AVEN: variants seen among roughly 807,000 people sequenced by gnomAD.
AVEN encodes the protein apoptosis and caspase activation inhibitor, also known as cell death regulator Aven.
Under a neutral mutation model 38.1 loss-of-function variants are expected in AVEN, and 41 were observed. That is an observed-to-expected ratio of 1.08 (90% CI 0.84 to 1.40). The LOEUF is 1.40. Among genes scored for constraint, AVEN ranks in the 40% most tolerant of loss-of-function variants. AVEN has a pLI of 0.00. For missense variants in AVEN, 605 were observed against 438.8 expected (o/e 1.38, Z -3.38); for synonymous variants, 206 against 171.8 (o/e 1.20, Z -1.56).
chr15:33,958,010 G>A (rs190485682), intron 2 of AVEN, among the ~76,000 whole-genome samples: 4 of 152,234 alleles, frequency 2.6e-5, no homozygotes, highest in African/African-American at 7.2e-5. Context: ...AGCAACTTAC[G>A]GTCCGTCAAG....
At chr15:34,010,436 T>C (rs1410243107) in intron 1 of AVEN, among the ~76,000 whole-genome samples, 1 of 152,172 alleles carries the variant, frequency 6.6e-6, no homozygotes, top group African/African-American at 2.4e-5. Flanking sequence ...ACTAATAACA[T>C]ATAACAACCA....
chr15:33,914,698 G>A (rs1437771649), intron 2 of AVEN, among the ~76,000 whole-genome samples: 4 of 151,548 alleles, frequency 2.6e-5, no homozygotes, highest in Non-Finnish European at 5.9e-5. Flanking sequence ...CATGGAGCAG[G>A]AGAAGGCAAG....
At chr15:34,033,672 T>C (rs1898970101) in intron 1 of AVEN, among the ~76,000 whole-genome samples, 1 of 152,188 alleles carries the variant, frequency 6.6e-6, no homozygotes, top group Non-Finnish European at 1.5e-5. Flanking sequence ...TAAAAAACTT[T>C]CAAGTATGAA....
chr15:33,873,256 C>T lies in AVEN; in HGVS notation c.517-2226G>A, dbSNP rs926977109. Among the ~76,000 whole-genome samples the T allele has an allele frequency of 2.1e-4, 31 of 150,930 alleles. No homozygotes were observed. In the East Asian group the frequency reaches 3.7e-3, roughly 18 times the overall value. On this transcript the variant is annotated intron_variant, in intron 3 of 5. Coordinates refer to ENST00000306730, the MANE Select transcript of AVEN (RefSeq NM_020371.3). ...CTGGGATTACAGACGTGCCCCACCA[C>T]GCCCAGCTAATTTTTGTATTTTCAG... is the stretch of plus-strand genomic sequence containing the variant.
chr15:34,015,210 G>A (rs909493119), intron 1 of AVEN, among the ~76,000 whole-genome samples: 7 of 152,128 alleles, frequency 4.6e-5, no homozygotes, highest in African/African-American at 1.7e-4. Flanking sequence ...TAGGCCGGGC[G>A]CAGTGGCTCA....
At chr15:34,011,744 T>C (rs991402917) in intron 1 of AVEN, among the ~76,000 whole-genome samples, 3 of 152,190 alleles carry the variant, frequency 2.0e-5, no homozygotes, top group Non-Finnish European at 4.4e-5. Flanking sequence ...CTTATATCTT[T>C]CTCATGTGTG....
intron 11 of AVEN, chr15:33,859,482 C>G: frequency 2.1e-6 from 3 of 1,459,666 alleles, no homozygotes; most frequent in Non-Finnish European, 2.8e-6. Context: ...TTAGGGCTGC[C>G]ACAATCTGAC....
rs767076170 is a variant in AVEN at position 34,003,026 on chromosome 15, T to G, written c.445+6A>C. ...TAAACAGTATGCATGCAACTGGAAT[T>G]CATACCTGCAGAGCTAAGGAGGACA... is the stretch of plus-strand genomic sequence containing the variant. On this transcript the variant is annotated splice_donor_region_variant and intron_variant, in intron 2 of 5. Coordinates refer to ENST00000306730, the MANE Select transcript of AVEN (RefSeq NM_020371.3). 1 of 1,607,556 alleles carries G rather than the reference T, an allele frequency of 6.2e-7. No individual in the cohort carries two copies. The highest frequency in any genetic ancestry group is 8.5e-7 in the Non-Finnish European group (1 of 1,177,396).
intron 2 of AVEN, among the ~76,000 whole-genome samples, chr15:33,924,431 G>A (rs1367851973): frequency 1.3e-5 from 2 of 152,056 alleles, no homozygotes; most frequent in African/African-American, 4.8e-5. Flanking sequence ...CCAGGTTCAG[G>A]TGATGTTTCC....
chr15:34,066,250 A>T (rs1346910699), intron 3 of AVEN: 1 of 152,248 alleles, frequency 6.6e-6, no homozygotes, highest in African/African-American at 2.4e-5. Flanking sequence ...GTGTGACTTC[A>T]TGAGCAAACC....
downstream of AVEN, among the ~76,000 whole-genome samples, chr15:33,857,166 C>T (rs909334556): frequency 9.2e-5 from 14 of 152,180 alleles, no homozygotes; most frequent in Non-Finnish European, 1.8e-4. Context: ...CGAAGTACTA[C>T]AGACTGCTAT....
chr15:34,033,590 C>T (rs949410345), intron 1 of AVEN, among the ~76,000 whole-genome samples: 1 of 151,844 alleles, frequency 6.6e-6, no homozygotes, highest in South Asian at 2.1e-4. Context: ...AAAAGTAGCA[C>T]CCAAGCCTGT....
chr15:33,876,189 G>C (rs1241897450), intron 2 of AVEN, among the ~76,000 whole-genome samples, 194 bp from the exon 3 acceptor site: 5 of 150,182 alleles, frequency 3.3e-5, no homozygotes, highest in Non-Finnish European at 5.9e-5. Flanking sequence ...GTTAACATTT[G>C]ATAAGATTAA....
At chr15:34,055,251 C>A (rs1484366067) in intron 5 of AVEN, among the ~76,000 whole-genome samples, 3 of 150,924 alleles carry the variant, frequency 2.0e-5, no homozygotes, top group Admixed American at 6.6e-5. Context: ...GTAATCCCAG[C>A]ATTTGGGAGG....
At chr15:33,953,606 A>T (rs1894833697) in intron 2 of AVEN, among the ~76,000 whole-genome samples, 1 of 152,226 alleles carries the variant, frequency 6.6e-6, no homozygotes, top group African/African-American at 2.4e-5. Flanking sequence ...CTGAAACTGG[A>T]TCCCTTCCTT....
downstream of AVEN, chr15:33,865,593 C>T (rs1285237858): frequency 5.3e-6 from 1 of 189,164 alleles, no homozygotes; most frequent in Non-Finnish European, 1.1e-5. Context: ...AATTTAAACA[C>T]TTGAATGTCA....
intron 2 of AVEN, among the ~76,000 whole-genome samples, chr15:33,999,044 T>C (rs1457420084): frequency 6.6e-6 from 1 of 152,238 alleles, no homozygotes; most frequent in Non-Finnish European, 1.5e-5. Flanking sequence ...GTCTCTTCCA[T>C]GTGCCAATGC....
Position 34,025,850 on chromosome 15 carries a change from T to A in AVEN, c.267+12930A>T, listed in dbSNP as rs185616918. ...GGACCTGTCCAAACTCAAGTGATCA[T>A]CTTGCCCCACAAAGCCCGTGTTTAC... On this transcript the variant is annotated intron_variant, in intron 1 of 5. Coordinates refer to ENST00000306730, the MANE Select transcript of AVEN (RefSeq NM_020371.3). Among the ~76,000 whole-genome samples, 178 of 152,264 alleles carry A rather than the reference T, an allele frequency of 1.2e-3. 1 individual carries two copies. The highest frequency in any genetic ancestry group is 4.1e-3 in the African/African-American group (170 of 41,548).
downstream of AVEN, chr15:33,857,886 C>T (rs769101674): frequency 1.2e-6 from 2 of 1,614,008 alleles, no homozygotes; most frequent in South Asian, 1.1e-5. Context: ...GATGACGAGC[C>T]CGATATGAAG....
Sources: allele counts gnomAD v4.1 joint callset (sites outside exome capture counted in the v4.1 genomes callset), GRCh38; gene constraint gnomAD v4.1.1; transcripts MANE v1.5; gene names NCBI Gene and HGNC (gene_info 2026-07-23, HGNC 2026-07-21).